KIF6: variants seen among roughly 807,000 people sequenced by gnomAD.
The protein encoded by KIF6 is kinesin family member 6, also known as kinesin-like protein KIF6.
A neutral mutation model predicts 112.7 loss-of-function variants in KIF6; 106 were observed. That is an observed-to-expected ratio of 0.94 (90% CI 0.80 to 1.11). The LOEUF is 1.11. KIF6 is among the 50% of genes least tolerant of loss of function. KIF6 has a pLI of 0.00. For synonymous variants in KIF6, 339 were observed against 339.9 expected (o/e 1.00, Z 0.03); for missense variants, 929 against 964.0 (o/e 0.96, Z 0.48).
intron 7 of KIF6, among the ~76,000 whole-genome samples, chr6:39,594,881 T>A (rs979124633): frequency 2.0e-5 from 3 of 152,134 alleles, no homozygotes. Context: ...GTAGTTGCCA[T>A]CTTTAACATT....
At chr6:39,351,247 T>C (rs573918467) in intron 19 of KIF6, among the ~76,000 whole-genome samples, 1 of 151,446 alleles carries the variant, frequency 6.6e-6, no homozygotes, top group East Asian at 1.9e-4. Context: ...TTTCTCTTTT[T>C]CAGACAGGGT....
intron 22 of KIF6, among the ~76,000 whole-genome samples, chr6:39,337,172 C>CTTCTTTCTTTCTTTCTCTTTCT (rs1763015915): frequency 3.4e-5 from 2 of 59,504 alleles, no homozygotes; most frequent in Non-Finnish European, 5.9e-5. Flanking sequence ...TCTTTCCTTC[C>CTTCTTTCTTTCTTTCTCTTTCT]TTCTTTCTTT....
At chr6:39,526,009 A>C (rs1251273974) in intron 13 of KIF6, among the ~76,000 whole-genome samples, 21 of 152,180 alleles carry the variant, frequency 1.4e-4, no homozygotes, top group Non-Finnish European at 1.5e-5. Context: ...ACAAACAAGC[A>C]AATAACACAA....
chr6:39,633,008 A>C (rs1006091192), intron 5 of KIF6, among the ~76,000 whole-genome samples: 1 of 151,998 alleles, frequency 6.6e-6, no homozygotes, highest in Non-Finnish European at 1.5e-5. Context: ...TGATTGAGTG[A>C]TGATAATAAA....
intron 13 of KIF6, among the ~76,000 whole-genome samples, chr6:39,448,765 C>T (rs992362959): frequency 1.3e-5 from 2 of 152,182 alleles, no homozygotes; most frequent in Non-Finnish European, 2.9e-5. Flanking sequence ...CAAATGGCTC[C>T]AAAATGACTT....
intron 3 of KIF6, among the ~76,000 whole-genome samples, chr6:39,702,943 A>G (rs1167016072): frequency 3.3e-5 from 5 of 152,080 alleles, no homozygotes; most frequent in African/African-American, 4.8e-5. Context: ...TGCAGTAGGT[A>G]AAGTACTTGG....
chr6:39,607,900 T>C (rs546952895), intron 6 of KIF6, among the ~76,000 whole-genome samples: 9 of 152,314 alleles, frequency 5.9e-5, no homozygotes, highest in Non-Finnish European at 1.2e-4. Context: ...TTTAATGATT[T>C]TGGAACTAAT....
intron 15 of KIF6, among the ~76,000 whole-genome samples, chr6:39,408,017 T>G (rs1174150018): frequency 6.6e-6 from 1 of 152,142 alleles, no homozygotes; most frequent in East Asian, 1.9e-4. Flanking sequence ...CTGCTACGTA[T>G]TCTATAGACA....
intron 13 of KIF6, among the ~76,000 whole-genome samples, chr6:39,505,073 G>T (rs1000954185): frequency 6.6e-6 from 1 of 152,154 alleles, no homozygotes; most frequent in Admixed American, 6.6e-5. Flanking sequence ...CAAAGCTAGA[G>T]GCATCATGCT....
At chr6:39,533,586 CACAG>C (rs1385047116) in intron 13 of KIF6, among the ~76,000 whole-genome samples, 3 of 152,184 alleles carry the variant, frequency 2.0e-5, no homozygotes, top group Non-Finnish European at 4.4e-5. Context: ...GGGGGCAGGG[CACAG>C]ACAAACAAAA....
At chr6:39,647,410 A>G (rs912099537) in intron 3 of KIF6, among the ~76,000 whole-genome samples, 6 of 152,110 alleles carry the variant, frequency 3.9e-5, no homozygotes, top group African/African-American at 1.4e-4. Context: ...CCCATGACTC[A>G]GGCCTGGCCA....
chr6:39,623,313 A>G (rs1182327048), intron 5 of KIF6, among the ~76,000 whole-genome samples: 4 of 152,136 alleles, frequency 2.6e-5, no homozygotes, highest in Non-Finnish European at 5.9e-5. Context: ...GGAATCATAT[A>G]TATGTTTTTT....
At chr6:39,412,853 C>A (rs1323431495) in intron 15 of KIF6, among the ~76,000 whole-genome samples, 1 of 152,120 alleles carries the variant, frequency 6.6e-6, no homozygotes, top group Non-Finnish European at 1.5e-5. Flanking sequence ...GGTGCTGTCT[C>A]TTAGGGGGGG....
chr6:39,411,888 G>T (rs912010522), intron 15 of KIF6, among the ~76,000 whole-genome samples: 1 of 152,206 alleles, frequency 6.6e-6, no homozygotes, highest in African/African-American at 2.4e-5. Context: ...GATAGAGGTG[G>T]TTTAAGAGTT....
Position 39,330,319 on chromosome 6 carries a change from T to C in KIF6, c.*6213A>G, listed in dbSNP as rs1395327309. 1 of 152,234 alleles carries C rather than the reference T, an allele frequency of 6.6e-6. No individual in the cohort carries two copies. The highest frequency in any genetic ancestry group is 1.5e-5 in the Non-Finnish European group (1 of 68,080). 9.4% of individuals were successfully genotyped at this position (152,234 alleles called of 1,614,324 possible). On this transcript the variant is annotated 3_prime_UTR_variant, in exon 23 of 23. Transcript: ENST00000287152. ...AGACCCACATGAGGCCTGGACTATG[T>C]TAGGGGTGGCCTGCATGGATGACGT...
At chr6:39,493,551 C>T (rs1379899235) in intron 13 of KIF6, among the ~76,000 whole-genome samples, 2 of 152,194 alleles carry the variant, frequency 1.3e-5, no homozygotes, top group Non-Finnish European at 2.9e-5. Flanking sequence ...TACTGAGTCC[C>T]TTCTTAGTAG....
chr6:39,570,831 AGCCAT>A (rs1322104841), intron 10 of KIF6, among the ~76,000 whole-genome samples: 3 of 152,190 alleles, frequency 2.0e-5, no homozygotes, highest in Non-Finnish European at 4.4e-5. Context: ...AGGACTTCCA[AGCCAT>A]GCTAAACTGT....
chr6:39,685,133 GTTTTAT>G (rs1209942024), intron 3 of KIF6, among the ~76,000 whole-genome samples: 1 of 152,222 alleles, frequency 6.6e-6, no homozygotes, highest in Non-Finnish European at 1.5e-5. Flanking sequence ...GAAGGTCATT[GTTTTAT>G]TTTAAGAGAG....
intron 1 of KIF6, among the ~76,000 whole-genome samples, chr6:39,723,700 C>T (rs1466065632): frequency 6.6e-6 from 1 of 152,090 alleles, no homozygotes; most frequent in African/African-American, 2.4e-5. Context: ...ACAATGAGAA[C>T]GCATGCACAC....
Sources: gnomAD v4.1 joint callset for allele counts (sites outside exome capture counted in the v4.1 genomes callset) on GRCh38, gnomAD v4.1.1 for gene constraint, MANE v1.5 for transcripts, NCBI Gene and HGNC (gene_info 2026-07-23, HGNC 2026-07-21) for gene names.